The following PDZD9 variants were observed in gnomAD, a reference collection of about 807,000 sequenced individuals.
The protein encoded by PDZD9 is PDZ domain-containing protein 9.
Under a neutral mutation model 16.3 loss-of-function variants are expected in PDZD9, and 13 were observed. The observed-to-expected ratio is 0.80, with a 90% confidence interval of 0.52 to 1.27. The LOEUF is 1.27. PDZD9 is among the 50% of genes most tolerant of loss of function. The probability of loss-of-function intolerance (pLI) is 0.00; values close to 1 mark genes in which losing one functional copy is unlikely to be tolerated. For missense variants in PDZD9, 288 were observed against 310.9 expected (o/e 0.93, Z 0.55); for synonymous variants, 120 against 111.0 (o/e 1.08, Z -0.51).
chr16:21,984,364 G>A lies in PDZD9; in HGVS notation c.698C>T (p.Ser233Phe). 1.2e-6 allele frequency: 2 copies of A among 1,614,170 alleles called. No individual in the cohort carries two copies. Among genetic ancestry groups the A allele is most frequent in the Non-Finnish European group, 1.7e-6 (2 of 1,180,020 alleles). ...WIMVKQDNES[S>F]SSSTSSTSDA... ...TGAGGTAGAGGAGGTAGAGGAGGAA[G>A]AGCTTTCATTGTCTTGCTTCACCAT... Residue 233 changes from serine (S) to phenylalanine (F), a missense_variant, in exon 4 of 4, where the codon TCT becomes TTT. By Grantham distance (155) the Ser-to-Phe change is radical. Coordinates refer to ENST00000424898, the MANE Select transcript of PDZD9 (RefSeq NM_001363519.1).
the PDZD9 span, chr16:21,974,048 G>A: frequency 2.2e-6 from 3 of 1,383,398 alleles, no homozygotes. Context: ...CATGTTTTCG[G>A]TTAAAATATG....
At chr16:21,990,963 A>G (rs1477308092) in intron 2 of PDZD9, among the ~76,000 whole-genome samples, 3 of 152,162 alleles carry the variant, frequency 2.0e-5, no homozygotes, top group East Asian at 1.9e-4. Context: ...TTAATGGGCT[A>G]TAGGATGACA....
intron 2 of PDZD9, among the ~76,000 whole-genome samples, chr16:21,991,428 G>A (rs1281429090): frequency 6.6e-6 from 1 of 152,030 alleles, no homozygotes; most frequent in Admixed American, 6.6e-5. Context: ...TTATTGAAAT[G>A]GGGTTTTGTC....
At chr16:21,969,639 A>G in the PDZD9 span, among the ~76,000 whole-genome samples, 1 of 152,104 alleles carries the variant, frequency 6.6e-6, no homozygotes, top group Non-Finnish European at 1.5e-5. Flanking sequence ...TGAGAATATC[A>G]TTTGTAATAT....
At chr16:21,974,612 G>GGAAT in the PDZD9 span, among the ~76,000 whole-genome samples, 1 of 152,190 alleles carries the variant, frequency 6.6e-6, no homozygotes, top group South Asian at 2.1e-4. Context: ...TAGTGATTAA[G>GGAAT]GAATGAATGA....
intron 3 of PDZD9, among the ~76,000 whole-genome samples, chr16:21,985,813 T>C (rs1185147002): frequency 1.3e-5 from 2 of 152,242 alleles, no homozygotes; most frequent in African/African-American, 4.8e-5. Flanking sequence ...TCCAAAAGTT[T>C]ATCTCTTCCA....
the PDZD9 span, chr16:21,971,440 G>A: frequency 7.0e-6 from 8 of 1,136,800 alleles, no homozygotes; most frequent in Non-Finnish European, 8.9e-6. Flanking sequence ...TTTTACAATC[G>A]TATTTTTAAA....
At chr16:21,973,959 G>A in the PDZD9 span, 1 of 1,608,748 alleles carries the variant, frequency 6.2e-7, no homozygotes, top group Non-Finnish European at 8.5e-7. Context: ...TATCTCCCAG[G>A]CCACAGCTGC....
At chr16:21,961,670 T>TATA in the PDZD9 span, among the ~76,000 whole-genome samples, 6 of 48,762 alleles carry the variant, frequency 1.2e-4, no homozygotes, top group Non-Finnish European at 3.9e-4. Flanking sequence ...ATATATATAT[T>TATA]TTAGACAGTC....
At chr16:21,970,648 C>T in the PDZD9 span, among the ~76,000 whole-genome samples, 1 of 152,082 alleles carries the variant, frequency 6.6e-6, no homozygotes, top group Non-Finnish European at 1.5e-5. Flanking sequence ...TGCAGTGGCG[C>T]AATCTCAGCT....
downstream of PDZD9, among the ~76,000 whole-genome samples, chr16:21,979,970 G>A (rs2141948680): frequency 6.6e-6 from 1 of 152,262 alleles, no homozygotes; most frequent in African/African-American, 2.4e-5. Context: ...CTTACAAAAT[G>A]GGCTTATGTT....
At chr16:21,962,595 A>G in the PDZD9 span, 1 of 1,601,050 alleles carries the variant, frequency 6.2e-7, no homozygotes, top group Non-Finnish European at 8.6e-7. Flanking sequence ...GTAATGCGTC[A>G]TTATGACCTC....
At chr16:21,957,707 C>T in the PDZD9 span, 5 of 1,253,308 alleles carry the variant, frequency 4.0e-6, no homozygotes, top group Non-Finnish European at 5.5e-6. Flanking sequence ...TAGCTTAAAC[C>T]AAATAAGTTT....
chr16:21,966,333 G>A, the PDZD9 span, among the ~76,000 whole-genome samples: 16 of 151,892 alleles, frequency 1.1e-4, no homozygotes, highest in African/African-American at 3.9e-4. Flanking sequence ...CTGGCTATAG[G>A]GGTTTGTCAC....
the PDZD9 span, chr16:21,962,877 C>T: frequency 3.7e-6 from 6 of 1,614,028 alleles, no homozygotes; most frequent in East Asian, 6.7e-5. Context: ...TTTCAGAATC[C>T]GCAGACTCGT....
At chr16:21,980,383 A>G (rs942803896), downstream of PDZD9, 5 of 733,016 alleles carry the variant, frequency 6.8e-6, no homozygotes, top group Non-Finnish European at 1.1e-5. Flanking sequence ...AGTATGTTCC[A>G]GAGAAGGGAG....
chr16:21,994,205 C>G (rs1899090589), intron 2 of PDZD9, among the ~76,000 whole-genome samples: 1 of 152,046 alleles, frequency 6.6e-6, no homozygotes, highest in South Asian at 2.1e-4. Flanking sequence ...ATCAAACAAA[C>G]ATGCATTATT....
chr16:21,991,961 G>A (rs1366531528), intron 2 of PDZD9, among the ~76,000 whole-genome samples: 1 of 152,188 alleles, frequency 6.6e-6, no homozygotes, highest in African/African-American at 2.4e-5. Context: ...TCAAATCCCA[G>A]CTCTGAACAC....
the PDZD9 span, among the ~76,000 whole-genome samples, chr16:21,973,141 C>T: frequency 6.6e-6 from 1 of 152,136 alleles, no homozygotes; most frequent in Admixed American, 6.6e-5. Flanking sequence ...ATTGAAGTGC[C>T]TTCTTATGCT....
Sources: gnomAD v4.1 joint callset for allele counts (sites outside exome capture counted in the v4.1 genomes callset) on GRCh38, gnomAD v4.1.1 for gene constraint, MANE v1.5 for transcripts, NCBI Gene and HGNC (gene_info 2026-07-23, HGNC 2026-07-21) for gene names.